The following CFAP210 variants were observed in gnomAD, a reference collection of about 807,000 sequenced individuals.
CFAP210 encodes the protein cilia- and flagella- associated protein 210.
At chr2:169,647,213 C>T in the CFAP210 span, among the ~76,000 whole-genome samples, 1 of 151,892 alleles carries the variant, frequency 6.6e-6, no homozygotes, top group African/African-American at 2.4e-5. Context: ...TAAAATCGAT[C>T]TCTAATCGAA....
At chr2:169,676,237 C>T in the CFAP210 span, among the ~76,000 whole-genome samples, 8 of 151,800 alleles carry the variant, frequency 5.3e-5, no homozygotes, top group South Asian at 2.1e-4. Flanking sequence ...TGTCATTCTC[C>T]GTGTCTATAT....
the CFAP210 span, among the ~76,000 whole-genome samples, chr2:169,651,398 GAAA>G: frequency 6.6e-6 from 1 of 150,624 alleles, no homozygotes. Flanking sequence ...TAAAAAAAAA[GAAA>G]AAAAATTTTT....
At chr2:169,689,215 C>T in the CFAP210 span, among the ~76,000 whole-genome samples, 2 of 152,196 alleles carry the variant, frequency 1.3e-5, no homozygotes, top group Non-Finnish European at 2.9e-5. Flanking sequence ...AGATACAATT[C>T]AAGTTGAGAT....
chr2:169,662,142 CTTGATCATTACATA>C, the CFAP210 span: 1 of 833,078 alleles, frequency 1.2e-6, no homozygotes, highest in Non-Finnish European at 1.9e-6. Context: ...AATTCCCTTA[CTTGATCATTACATA>C]ATGTATGCAT....
At chr2:169,676,624 C>T in the CFAP210 span, among the ~76,000 whole-genome samples, 2 of 151,948 alleles carry the variant, frequency 1.3e-5, no homozygotes, top group South Asian at 2.1e-4. Flanking sequence ...TTCAGAATGT[C>T]GTATGTTACA....
the CFAP210 span, chr2:169,654,077 G>C: frequency 6.2e-7 from 1 of 1,608,674 alleles, no homozygotes; most frequent in Non-Finnish European, 8.5e-7. Flanking sequence ...AAGCCTACCT[G>C]TGTGTTTCAG....
the CFAP210 span, among the ~76,000 whole-genome samples, chr2:169,647,785 C>G: frequency 2.0e-5 from 3 of 152,134 alleles, no homozygotes; most frequent in Non-Finnish European, 4.4e-5. Context: ...GAAGACATTT[C>G]CAAATCATGT....
chr2:169,656,123 CA>C, the CFAP210 span, among the ~76,000 whole-genome samples: 1 of 151,980 alleles, frequency 6.6e-6, no homozygotes, highest in African/African-American at 2.4e-5. Context: ...ACCATCTCTA[CA>C]AAAAAGACCA....
chr2:169,670,314 C>T, the CFAP210 span, among the ~76,000 whole-genome samples: 6 of 152,080 alleles, frequency 3.9e-5, no homozygotes, highest in Non-Finnish European at 7.4e-5. Flanking sequence ...CGCCGTCACA[C>T]CCACTGGGCT....
At chr2:169,670,289 T>C in the CFAP210 span, among the ~76,000 whole-genome samples, 2 of 152,146 alleles carry the variant, frequency 1.3e-5, no homozygotes, top group African/African-American at 2.4e-5. Flanking sequence ...CACTGTGGTA[T>C]CTTATTTGTC....
At chr2:169,651,388 T>TA in the CFAP210 span, among the ~76,000 whole-genome samples, 20 of 150,028 alleles carry the variant, frequency 1.3e-4, no homozygotes, top group East Asian at 4.0e-4. Flanking sequence ...GAGACTCTAT[T>TA]AAAAAAAAAG....
chr2:169,674,417 A>T, the CFAP210 span, among the ~76,000 whole-genome samples: 1 of 152,190 alleles, frequency 6.6e-6, no homozygotes, highest in Non-Finnish European at 1.5e-5. Context: ...ACCAATATAC[A>T]ATCTCTGGGT....
At chr2:169,667,834 T>C in the CFAP210 span, among the ~76,000 whole-genome samples, 1 of 152,180 alleles carries the variant, frequency 6.6e-6, no homozygotes, top group African/African-American at 2.4e-5. Context: ...TGTAGTTCCA[T>C]TTCAGAGCCC....
chr2:169,647,875 G>C, the CFAP210 span, among the ~76,000 whole-genome samples: 22 of 152,190 alleles, frequency 1.4e-4, no homozygotes, highest in Non-Finnish European at 1.9e-4. Context: ...CAAAAATGGA[G>C]GCCGGGCACA....
the CFAP210 span, chr2:169,646,156 T>G: frequency 1.9e-6 from 3 of 1,611,988 alleles, no homozygotes; most frequent in Non-Finnish European, 2.5e-6. Flanking sequence ...CTTGTTTTGC[T>G]TGCTTTGCAT....
At chr2:169,676,391 C>G in the CFAP210 span, among the ~76,000 whole-genome samples, 1 of 151,910 alleles carries the variant, frequency 6.6e-6, no homozygotes, top group Non-Finnish European at 1.5e-5. Context: ...GATATATCCC[C>G]ATCCCCTATC....
At chr2:169,671,653 A>G in the CFAP210 span, among the ~76,000 whole-genome samples, 1 of 152,144 alleles carries the variant, frequency 6.6e-6, no homozygotes, top group African/African-American at 2.4e-5. Context: ...TTTTTTTAGT[A>G]GAGACAGGGT....
the CFAP210 span, chr2:169,646,080 A>G: frequency 1.2e-6 from 2 of 1,613,910 alleles, no homozygotes; most frequent in Non-Finnish European, 1.7e-6. Flanking sequence ...TCTCTGGCAT[A>G]GTCCTGAAAT....
At chr2:169,682,276 G>C in the CFAP210 span, among the ~76,000 whole-genome samples, 3 of 152,152 alleles carry the variant, frequency 2.0e-5, no homozygotes, top group African/African-American at 7.2e-5. Context: ...ATCTCCTAGA[G>C]AGCCATAGTC....
Sources: allele counts gnomAD v4.1 joint callset (sites outside exome capture counted in the v4.1 genomes callset), GRCh38; gene constraint gnomAD v4.1.1; transcripts MANE v1.5; gene names NCBI Gene and HGNC (gene_info 2026-07-23, HGNC 2026-07-21).